Variants in GLYATL2 observed in about 807,000 individuals in gnomAD.
GLYATL2 encodes glycine-N-acyltransferase like 2, also known as glycine N-acyltransferase-like protein 2.
In GLYATL2, 25 loss-of-function variants were observed where a neutral mutation model predicts 21.4. The observed-to-expected ratio is 1.17, with a 90% CI of 0.85 to 1.63. GLYATL2 has a LOEUF of 1.63. Ranked by LOEUF, GLYATL2 falls within the 40% of genes most tolerant of loss-of-function variation. The pLI is 0.00. For synonymous variants in GLYATL2, 114 were observed against 118.2 expected (o/e 0.96, Z 0.23); for missense variants, 361 against 343.3 (o/e 1.05, Z -0.41).
chr11:58,869,637 CT>C (rs1288669986), intron 1 of GLYATL2, among the ~76,000 whole-genome samples: 1 of 152,060 alleles, frequency 6.6e-6, no homozygotes, highest in Non-Finnish European at 1.5e-5. Flanking sequence ...CATGTGTTAC[CT>C]TATATGTTGT....
At chr11:58,878,342 C>T in intron 1 of GLYATL2, 1 of 650,612 alleles carries the variant, frequency 1.5e-6, no homozygotes, top group Non-Finnish European at 2.3e-6. Flanking sequence ...GCAGGATCCA[C>T]TTGTGTCCAT....
intron 1 of GLYATL2, among the ~76,000 whole-genome samples, chr11:58,841,498 A>G (rs970070537): frequency 6.6e-6 from 1 of 152,234 alleles, no homozygotes; most frequent in Non-Finnish European, 1.5e-5. Context: ...TGTATATACA[A>G]GGTTCTGAAG....
chr11:58,884,964 T>C (rs1271877245), intron 1 of GLYATL2: 1 of 156,558 alleles, frequency 6.4e-6, no homozygotes, highest in African/African-American at 2.4e-5. Context: ...TGCTGAATAA[T>C]TGCCAGATGC....
At chr11:58,873,839 T>G (rs1565100913) in intron 1 of GLYATL2, among the ~76,000 whole-genome samples, 3 of 152,212 alleles carry the variant, frequency 2.0e-5, no homozygotes, top group Non-Finnish European at 4.4e-5. Context: ...TTTTATTGAT[T>G]GGAATAATTT....
intron 1 of GLYATL2, among the ~76,000 whole-genome samples, chr11:58,853,293 T>A (rs1853773078): frequency 6.6e-6 from 1 of 152,210 alleles, no homozygotes; most frequent in African/African-American, 2.4e-5. Context: ...TGGATCTTTT[T>A]CAATAAAAAC....
intron 1 of GLYATL2, among the ~76,000 whole-genome samples, chr11:58,878,903 C>T (rs1854284586): frequency 6.6e-6 from 1 of 152,126 alleles, no homozygotes; most frequent in South Asian, 2.1e-4. Flanking sequence ...AATGAGGGTC[C>T]TCAGTAAAGT....
chr11:58,895,348 GT>G (rs1854615404), intron 1 of GLYATL2, among the ~76,000 whole-genome samples: 1 of 151,440 alleles, frequency 6.6e-6, no homozygotes, highest in Non-Finnish European at 1.5e-5. Flanking sequence ...TTCACATTGA[GT>G]TAAAAACAAA....
intron 1 of GLYATL2, among the ~76,000 whole-genome samples, chr11:58,874,490 C>G (rs1854189111): frequency 6.6e-6 from 1 of 152,180 alleles, no homozygotes; most frequent in Non-Finnish European, 1.5e-5. Flanking sequence ...AATGTTGTGT[C>G]TTTGTTCTCA....
At chr11:58,870,088 A>G (rs1323002309) in intron 1 of GLYATL2, among the ~76,000 whole-genome samples, 1 of 152,134 alleles carries the variant, frequency 6.6e-6, no homozygotes, top group Non-Finnish European at 1.5e-5. Context: ...AGCCTGGGTG[A>G]CAGAGGGAGA....
chr11:58,881,859 T>C (rs1048701540), intron 1 of GLYATL2, among the ~76,000 whole-genome samples: 2 of 152,210 alleles, frequency 1.3e-5, no homozygotes, highest in East Asian at 1.9e-4. Flanking sequence ...GTCCTTGTGA[T>C]AGTTTGTTCA....
chr11:58,888,890 T>C (rs1854489551), intron 1 of GLYATL2, among the ~76,000 whole-genome samples: 1 of 151,908 alleles, frequency 6.6e-6, no homozygotes, highest in Non-Finnish European at 1.5e-5. Flanking sequence ...CATCAAGTAA[T>C]TTTTCCAGTT....
chr11:58,837,449 GT>G, intron 3 of GLYATL2, 52 bp from the exon 4 acceptor site: 1 of 1,537,224 alleles, frequency 6.5e-7, no homozygotes, highest in Non-Finnish European at 9.0e-7. Flanking sequence ...TTTACAAAAT[GT>G]TCTTGCATAG....
upstream of GLYATL2, chr11:58,907,466 TTCGCTC>T: frequency 6.5e-6 from 2 of 309,088 alleles, no homozygotes; most frequent in South Asian, 3.5e-5. Context: ...TTTCATGTAT[TTCGCTC>T]TTTTTTGTTT....
chr11:58,886,681 G>A (rs1854446758), intron 1 of GLYATL2, among the ~76,000 whole-genome samples: 1 of 150,490 alleles, frequency 6.6e-6, no homozygotes, highest in Admixed American at 6.6e-5. Context: ...AGCTGAAATA[G>A]TAATACAAAC....
chr11:58,904,961 TAGAC>T (rs1854826968), upstream of GLYATL2, among the ~76,000 whole-genome samples: 1 of 152,234 alleles, frequency 6.6e-6, no homozygotes, highest in African/African-American at 2.4e-5. Context: ...TTCATGTTCT[TAGAC>T]AGTAAGACGT....
chr11:58,876,905 G>A (rs1339993331), intron 1 of GLYATL2, among the ~76,000 whole-genome samples: 1 of 152,260 alleles, frequency 6.6e-6, no homozygotes, highest in East Asian at 1.9e-4. Flanking sequence ...TACAGAGGCA[G>A]GCAGGCCTCC....
At chr11:58,884,848 G>A (rs1854407551) in intron 1 of GLYATL2, 2 of 164,520 alleles carry the variant, frequency 1.2e-5, no homozygotes, top group African/African-American at 2.4e-5. Context: ...GATGTATAAA[G>A]TGCATTTTAA....
At chr11:58,842,317 G>T (rs1853567598) in intron 1 of GLYATL2, among the ~76,000 whole-genome samples, 1 of 152,084 alleles carries the variant, frequency 6.6e-6, no homozygotes, top group Non-Finnish European at 1.5e-5. Flanking sequence ...TATACAGCAG[G>T]TCATCAAATA....
chr11:58,905,619 A>G (rs972491262), upstream of GLYATL2: 4 of 456,162 alleles, frequency 8.8e-6, no homozygotes, highest in African/African-American at 8.0e-5. Context: ...GGGGACGCCG[A>G]TGAGCAGGAA....
Sources: allele counts gnomAD v4.1 joint callset (sites outside exome capture counted in the v4.1 genomes callset), GRCh38; gene constraint gnomAD v4.1.1; transcripts MANE v1.5; gene names NCBI Gene and HGNC (gene_info 2026-07-23, HGNC 2026-07-21).